The following ZNF503 variants were observed in gnomAD, a reference collection of about 807,000 sequenced individuals.
ZNF503 encodes zinc finger protein 503.
In ZNF503, 15 loss-of-function variants were observed where a neutral mutation model predicts 34.4. That is an observed-to-expected ratio of 0.44 (90% CI 0.29 to 0.67). ZNF503 has a LOEUF of 0.67. Ranked by LOEUF, ZNF503 falls within the 30% of genes least tolerant of loss-of-function variation. The pLI is 0.13. For synonymous variants in ZNF503, 580 were observed against 456.8 expected, an observed-to-expected ratio of 1.27 and a Z score of -3.44; for missense variants, 1,007 against 926.8, an observed-to-expected ratio of 1.09 and a Z score of -1.12.
the ZNF503 span, among the ~76,000 whole-genome samples, chr10:75,295,909 A>T: frequency 2.0e-5 from 3 of 152,316 alleles, no homozygotes; most frequent in Admixed American, 2.0e-4. The surrounding 1 kb of genome is among the most constrained non-coding windows in gnomAD (Gnocchi z 4.0). Context: ...GTCAGGAGGA[A>T]AAAGAACCCC....
chr10:75,380,901 C>T, the ZNF503 span, among the ~76,000 whole-genome samples: 1 of 152,292 alleles, frequency 6.6e-6, no homozygotes, highest in Admixed American at 6.5e-5. Context: ...ATCATGATCC[C>T]CTTATGGCAG....
chr10:75,370,192 G>T, the ZNF503 span, among the ~76,000 whole-genome samples: 6 of 151,988 alleles, frequency 3.9e-5, no homozygotes, highest in African/African-American at 1.5e-4. Flanking sequence ...AGGTATTTAC[G>T]TTTATAATAA....
the ZNF503 span, among the ~76,000 whole-genome samples, chr10:75,317,379 G>A: frequency 9.5e-3 from 1,316 of 138,094 alleles, 24 homozygotes; most frequent in African/African-American, 0.034. Flanking sequence ...TCGGGTTCAC[G>A]CCATTCTCCT....
chr10:75,323,175 C>G, the ZNF503 span, among the ~76,000 whole-genome samples: 1 of 152,176 alleles, frequency 6.6e-6, no homozygotes, highest in African/African-American at 2.4e-5. Flanking sequence ...TAAGATTAAT[C>G]ATACATGTTG....
At chr10:75,367,418 CT>C in the ZNF503 span, among the ~76,000 whole-genome samples, 1 of 152,328 alleles carries the variant, frequency 6.6e-6, no homozygotes, top group South Asian at 2.1e-4. Context: ...CCGGAGACTG[CT>C]TCATTCCCAG....
the ZNF503 span, among the ~76,000 whole-genome samples, chr10:75,376,893 G>A: frequency 3.8e-4 from 58 of 152,220 alleles, no homozygotes; most frequent in South Asian, 1.9e-3. Context: ...TGGGGGAACC[G>A]CCCCATGATT....
At chr10:75,354,841 GTTTTGT>G in the ZNF503 span, among the ~76,000 whole-genome samples, 14 of 77,386 alleles carry the variant, frequency 1.8e-4, no homozygotes, top group Non-Finnish European at 3.9e-4. Context: ...CTTCATTTTT[GTTTTGT>G]TTTGTTTTGT....
the ZNF503 span, among the ~76,000 whole-genome samples, chr10:75,375,662 C>T: frequency 6.6e-6 from 1 of 150,994 alleles, no homozygotes; most frequent in Non-Finnish European, 1.5e-5. Context: ...GATTACAGGC[C>T]CATGCCACCA....
chr10:75,306,360 A>G, the ZNF503 span, among the ~76,000 whole-genome samples: 5 of 152,098 alleles, frequency 3.3e-5, no homozygotes, highest in African/African-American at 1.2e-4. Flanking sequence ...AAAAATGTCT[A>G]TTCAAGTCCT....
At chr10:75,377,326 G>C in the ZNF503 span, among the ~76,000 whole-genome samples, 1 of 152,234 alleles carries the variant, frequency 6.6e-6, no homozygotes, top group African/African-American at 2.4e-5. Flanking sequence ...GTTTCTTATA[G>C]AGCTCAGTGG....
the ZNF503 span, among the ~76,000 whole-genome samples, chr10:75,381,036 A>G: frequency 1.3e-5 from 2 of 152,150 alleles, no homozygotes; most frequent in African/African-American, 4.8e-5. Context: ...CAGGCCCTCC[A>G]ATCTCCATTC....
At chr10:75,282,313 G>C in the ZNF503 span, among the ~76,000 whole-genome samples, 2 of 152,186 alleles carry the variant, frequency 1.3e-5, no homozygotes, top group South Asian at 4.1e-4. Flanking sequence ...ACAAAGCCTT[G>C]GCTGGGGGAA....
the ZNF503 span, among the ~76,000 whole-genome samples, chr10:75,380,516 C>T: frequency 3.9e-5 from 6 of 152,164 alleles, no homozygotes; most frequent in Non-Finnish European, 8.8e-5. Context: ...TTGCTTCTGA[C>T]TCCAGAATTA....
chr10:75,346,347 G>A, the ZNF503 span, among the ~76,000 whole-genome samples: 1 of 151,962 alleles, frequency 6.6e-6, no homozygotes, highest in Non-Finnish European at 1.5e-5. Flanking sequence ...GAAAATCTTG[G>A]TAATTTTTGA....
chr10:75,337,763 G>C, the ZNF503 span, among the ~76,000 whole-genome samples: 2 of 152,138 alleles, frequency 1.3e-5, no homozygotes, highest in Non-Finnish European at 2.9e-5. Flanking sequence ...ATAAGGAAAG[G>C]ACCACTTAGG....
At chr10:75,286,400 G>A in the ZNF503 span, among the ~76,000 whole-genome samples, 1 of 152,194 alleles carries the variant, frequency 6.6e-6, no homozygotes, top group Non-Finnish European at 1.5e-5. Flanking sequence ...CTAGGGCTGT[G>A]GGTCTGTGTG....
the ZNF503 span, among the ~76,000 whole-genome samples, chr10:75,378,009 T>C: frequency 9.4e-3 from 1,429 of 151,904 alleles, 22 homozygotes; most frequent in African/African-American, 0.032. Context: ...GGAGGGAGGT[T>C]CCACACACTT....
chr10:75,374,421 C>T, the ZNF503 span, among the ~76,000 whole-genome samples: 1 of 152,228 alleles, frequency 6.6e-6, no homozygotes, highest in African/African-American at 2.4e-5. Flanking sequence ...CCAGCCACAT[C>T]AGCCTCTAGC....
chr10:75,401,449 G>C lies in ZNF503; in HGVS notation c.-30C>G, dbSNP rs1843819278. On this transcript the variant is annotated 5_prime_UTR_variant, in exon 1 of 2. Coordinates refer to ENST00000372524, the MANE Select transcript of ZNF503 (RefSeq NM_032772.6). ...CACCCGCGCGCATGGGAGCAGCGGG[G>C]GGGAGGGCTCCGGGAGGCGCGGGGC... 2.6e-6 allele frequency: 4 copies of C among 1,520,748 alleles called. No individual in the cohort carries two copies. The highest frequency in any genetic ancestry group is 2.6e-5 in the East Asian group (1 of 38,992). 94.2% of individuals were successfully genotyped at this position (1,520,748 alleles called of 1,614,324 possible). A position where few individuals can be genotyped will look rare whatever the true frequency, so the allele number is the denominator to read the frequency against.
Sources: gnomAD v4.1 joint callset for allele counts (sites outside exome capture counted in the v4.1 genomes callset) on GRCh38, gnomAD v4.1.1 for gene constraint, Gnocchi (gnomAD v3.1) non-coding constraint, MANE v1.5 for transcripts, NCBI Gene and HGNC (gene_info 2026-07-23, HGNC 2026-07-21) for gene names.